Variants in USP43 observed in about 807,000 individuals in gnomAD.
USP43 encodes the protein ubiquitin specific peptidase 43.
USP43 carries 33 observed loss-of-function variants against 90.7 expected under a neutral mutation model. That is an observed-to-expected ratio of 0.36 (90% CI 0.28 to 0.49). The LOEUF is 0.49. USP43 is among the 20% of genes least tolerant of loss of function. The pLI, the probability that USP43 is intolerant of heterozygous loss-of-function variation, is 0.98. For synonymous variants in USP43, 598 were observed against 615.8 expected (o/e 0.97, Z 0.43); for missense variants, 1,274 against 1,476.4 (o/e 0.86, Z 2.25).
In USP43 at chr17:9,712,134, T is replaced by A; in HGVS notation, c.2335+2T>A. ...ACAGCCTCTGCAATCAGGAAAAGGG[T>A]ATGTTGGTTAAATGTGCTTGGTTGA... is the stretch of plus-strand genomic sequence containing the variant. On this transcript the variant is annotated splice_donor_variant, in intron 14 of 14. Transcript: ENST00000285199. LOFTEE classifies it high-confidence loss of function. 1 of 1,571,902 alleles carries A rather than the reference T, an allele frequency of 6.4e-7. No homozygotes were observed. The highest frequency in any genetic ancestry group is 8.6e-7 in the Non-Finnish European group (1 of 1,156,882).
rs183406709 is a variant in USP43, at chr17:9,702,375, G to A, written c.2011+675G>A. On this transcript the variant is annotated intron_variant, in intron 12 of 14. Transcript: ENST00000285199. ...CAAAACAAATAAACCAACAAACAGA[G>A]GTTAGTTACTGCCCAAATTTTCAAC... Among the ~76,000 whole-genome samples, 452 of 152,208 alleles carry A rather than the reference G, an allele frequency of 3.0e-3. 5 individuals carry two copies. Among genetic ancestry groups the A allele is most frequent in the African/African-American group, 0.01 (433 of 41,530 alleles).
chr17:9,686,497 C>G lies in USP43; in HGVS notation c.1242-301C>G, dbSNP rs1219104457. On this transcript the variant is annotated intron_variant, in intron 7 of 14. Coordinates refer to ENST00000285199, the MANE Select transcript of USP43 (RefSeq NM_153210.5). The surrounding 1 kb of genome is among the most constrained non-coding windows in gnomAD (Gnocchi z 5.5). ...TTCTTGTCTTTTTGATAATAGCCAT[C>G]CTAACTGGGGTAAGATGATATCTCA... 6.6e-6 allele frequency among the ~76,000 whole-genome samples: 1 copy of G among 152,154 alleles called. No homozygotes were observed. Among genetic ancestry groups the G allele is most frequent in the African/African-American group, 2.4e-5 (1 of 41,436 alleles).
chr17:9,647,071 AAAAAAAAAAAG>A (rs1911467532), intron 1 of USP43: 2 of 148,246 alleles, frequency 1.3e-5, no homozygotes, highest in African/African-American at 5.2e-5. Flanking sequence ...CAAAAAAAAA[AAAAAAAAAAAG>A]AAAAAAAAGA....
chr17:9,717,094 G>C (rs111747808), intron 14 of USP43, among the ~76,000 whole-genome samples: 1,749 of 151,300 alleles, frequency 0.012, 36 homozygotes, highest in African/African-American at 0.041. Flanking sequence ...AGGAGGTGGA[G>C]GTTGCAATGA....
intron 2 of USP43, among the ~76,000 whole-genome samples, chr17:9,660,309 C>G (rs998584538): frequency 6.6e-6 from 1 of 152,076 alleles, no homozygotes; most frequent in African/African-American, 2.4e-5. Flanking sequence ...TGCCACCATG[C>G]CTGGCTAATT....
rs183662607 is a variant in USP43 at position 9,652,508 on chromosome 17, C to A, written c.505-3895C>A. On this transcript the variant is annotated intron_variant, in intron 1 of 14. Transcript: ENST00000285199. The stretch of plus-strand genomic sequence containing the variant: ...TCCCGAGTAGCTGGGACTACAGGTG[C>A]CCGCCACCACGTCCGGCTAATTTTT... 1.5e-3 allele frequency among the ~76,000 whole-genome samples: 230 copies of A among 152,080 alleles called. 3 individuals are homozygous for A. Among genetic ancestry groups the A allele is most frequent in the Non-Finnish European group, 1.3e-4 (9 of 67,996 alleles).
At position 9,728,968 on chromosome 17, in the gene USP43, C is replaced by T. The variant is rs749158053; in HGVS notation, c.3350C>T (p.Thr1117Ile). Residue 1117 changes from threonine to isoleucine, a missense_variant, in exon 15 of 15, where the codon ACC (threonine) becomes ATC (isoleucine). Thr to Ile is a moderately conservative substitution (Grantham distance 89). Around this residue, in one of 6 missense-constraint regions of USP43, gnomAD observed 353 missense variants for 329.7 expected, o/e 1.07. Transcript: ENST00000285199. This position sits in a 1 kb window ranked among gnomAD's most constrained non-coding sequence, Gnocchi z 6.2. ...YHTLSLGRKK[T>I]LPESSF The stretch of plus-strand genomic sequence containing the variant: ...ACTCTTTCTTTAGGTCGAAAGAAAA[C>T]CTTACCGGAGTCCAGCTTTTGATGG... 1.9e-6 allele frequency: 3 copies of T among 1,578,454 alleles called. No homozygotes were observed. Among genetic ancestry groups the T allele is most frequent in the Non-Finnish European group, 1.7e-6 (2 of 1,158,334 alleles).
Position 9,710,022 on chromosome 17 carries a change from G to T in USP43, c.2078G>T (p.Arg693Leu). 2 of 1,572,756 alleles carry T rather than the reference G, an allele frequency of 1.3e-6. No homozygotes were observed. Among genetic ancestry groups the T allele is most frequent in the African/African-American group, 2.7e-5 (2 of 72,950 alleles). ...SYDDSTVEPL[R>L]EDEVNTRGAY... ...GATGACAGCACGGTGGAACCGCTTC[G>T]AGAAGATGAGGTCAACACCAGAGGG... Residue 693 changes from arginine (R) to leucine (L), a missense_variant, in exon 13 of 15, where the codon CGA becomes CTA. Physicochemically the swap from Arg to Leu is moderately radical, Grantham distance 102 (BLOSUM62 -2). This residue lies in a region of USP43 where 285 missense variants were observed against 349.6 expected (regional missense o/e 0.82). Transcript: ENST00000285199.
rs1227983143 is a variant in USP43, at chr17:9,674,414, C to G, written c.741-477C>G. ...AAAATAAAACCTGGTACCCAGTAAG[C>G]AGTCAGCCTCATCCTCCCTTCCCTC... is the stretch of plus-strand genomic sequence containing the variant. On this transcript the variant is annotated intron_variant, in intron 3 of 14. Coordinates refer to ENST00000285199, the MANE Select transcript of USP43 (RefSeq NM_153210.5). This position sits in a 1 kb window ranked among gnomAD's most constrained non-coding sequence, Gnocchi z 4.4. Among the ~76,000 whole-genome samples, 1 of 152,158 alleles carries G rather than the reference C, an allele frequency of 6.6e-6. No homozygotes were observed. Among genetic ancestry groups the G allele is most frequent in the African/African-American group, 2.4e-5 (1 of 41,438 alleles).
At chr17:9,722,268 C>A (rs999652662) in intron 14 of USP43, among the ~76,000 whole-genome samples, 1 of 152,114 alleles carries the variant, frequency 6.6e-6, no homozygotes, top group Non-Finnish European at 1.5e-5. Context: ...TGCCTTCTCT[C>A]TTTCGCATTT....
Position 9,707,519 on chromosome 17 carries a change from C to T in USP43, c.2012-2437C>T, listed in dbSNP as rs924801582. On this transcript the variant is annotated intron_variant, in intron 12 of 14. Coordinates refer to ENST00000285199, the MANE Select transcript of USP43 (RefSeq NM_153210.5). ...ACAATTAGCCGGGTGTGGTGGCAGGCGCCTGTAGTCCCAACTACTCGGGAG... is the reference window on the plus strand; with the variant it reads ...ACAATTAGCCGGGTGTGGTGGCAGGTGCCTGTAGTCCCAACTACTCGGGAG... Among the ~76,000 whole-genome samples, 11 of 151,758 alleles carry T rather than the reference C, an allele frequency of 7.2e-5. No individual in the cohort carries two copies. The South Asian group carries it at 1.0e-3, about 14-fold the overall frequency.
intron 2 of USP43, 65 bp from the exon 3 acceptor site, chr17:9,666,583 G>T (rs1347509584): frequency 1.5e-5 from 20 of 1,354,460 alleles, no homozygotes; most frequent in Non-Finnish European, 2.0e-5. Flanking sequence ...GGGCTCGGTG[G>T]TCTGGAAGCA....
chr17:9,647,913 G>T (rs940332239), intron 1 of USP43, among the ~76,000 whole-genome samples: 5 of 151,996 alleles, frequency 3.3e-5, no homozygotes, highest in African/African-American at 1.2e-4. Flanking sequence ...CCCAGCTACT[G>T]GGGAGGCTGG....
chr17:9,647,656 A>C (rs1911531693), intron 1 of USP43: 1 of 152,072 alleles, frequency 6.6e-6, no homozygotes, highest in South Asian at 2.1e-4. Flanking sequence ...CTCTTGCTAG[A>C]TGCATTTCCA....
intron 14 of USP43, among the ~76,000 whole-genome samples, chr17:9,713,752 A>G (rs930923186): frequency 1.5e-4 from 23 of 152,242 alleles, no homozygotes; most frequent in Admixed American, 7.2e-4. Context: ...AGGAAAGAGA[A>G]TAGTCAAGGA....
intron 14 of USP43, among the ~76,000 whole-genome samples, chr17:9,727,671 C>T (rs1414333244): frequency 6.6e-6 from 1 of 152,146 alleles, no homozygotes; most frequent in African/African-American, 2.4e-5. Context: ...GCTAGATGCC[C>T]GTGAGACTGA....
At position 9,712,471 on chromosome 17, in the gene USP43, A is replaced by G. The variant is rs543879051; in HGVS notation, c.2335+339A>G. On this transcript the variant is annotated intron_variant, in intron 14 of 14. Coordinates refer to ENST00000285199, the MANE Select transcript of USP43 (RefSeq NM_153210.5). ...CCGGGGTGGAGGAGGGAGGGTGCAC[A>G]GGGCCCGGGAGATAGGACGGGCGGG... Among the ~76,000 whole-genome samples, 136 of 152,316 alleles carry G rather than the reference A, an allele frequency of 8.9e-4. 1 individual carries two copies. Among genetic ancestry groups the G allele is most frequent in the African/African-American group, 3.1e-3 (130 of 41,582 alleles).
rs61023073 is a variant in USP43, at chr17:9,652,234, A to AAAAAG, written c.505-4169_505-4168insAAAAG. ...GCGCAAAAAAAAAAAAAAAAAGAAA[A>AAAAAG]GAAAAGAAAGGAAAAAAAAGATGTG... On this transcript the variant is annotated intron_variant, in intron 1 of 14. Transcript: ENST00000285199. Among the ~76,000 whole-genome samples the AAAAAG allele has an allele frequency of 8.6e-3, 1,283 of 149,486 alleles. 38 individuals are homozygous for AAAAAG. Among genetic ancestry groups the AAAAAG allele is most frequent in the African/African-American group, 0.03 (1,206 of 39,592 alleles).
At chr17:9,679,920 ACT>A (rs1431054793) in intron 5 of USP43, among the ~76,000 whole-genome samples, 1 of 151,596 alleles carries the variant, frequency 6.6e-6, no homozygotes, top group Non-Finnish European at 1.5e-5. Flanking sequence ...AAATTCTTTC[ACT>A]CTGTAGTAAA....
Sources: gnomAD v4.1 joint callset for allele counts (sites outside exome capture counted in the v4.1 genomes callset) on GRCh38, gnomAD v4.1.1 for gene constraint, gnomAD v4.1.1 regional missense constraint, Gnocchi (gnomAD v3.1) non-coding constraint, MANE v1.5 for transcripts, NCBI Gene and HGNC (gene_info 2026-07-23, HGNC 2026-07-21) for gene names.